A2ML1: variants seen among roughly 807,000 people sequenced by gnomAD.
The protein encoded by A2ML1 is alpha-2-macroglobulin-like protein 1.
Under a neutral mutation model 181.9 loss-of-function variants are expected in A2ML1, and 161 were observed. The observed-to-expected ratio is 0.89, with a 90% CI of 0.78 to 1.01. A2ML1 has a LOEUF of 1.01. Among genes scored for constraint, A2ML1 ranks in the 50% least tolerant of loss-of-function variants. The pLI is 0.00. For synonymous variants in A2ML1, 663 were observed against 666.8 expected (o/e 0.99, Z 0.09); for missense variants, 1,670 against 1,768.1 (o/e 0.94, Z 1.00).
chr12:8,824,175 G>A (rs1175022659), intron 3 of A2ML1, among the ~76,000 whole-genome samples: 1 of 143,848 alleles, frequency 7.0e-6, no homozygotes, highest in African/African-American at 2.6e-5. Flanking sequence ...CAAACTGCTT[G>A]TAAATGGCTA....
At chr12:8,843,383 G>T (rs200865654) in intron 12 of A2ML1, 22 bp downstream of exon 12, 20 of 1,606,970 alleles carry the variant, frequency 1.2e-5, no homozygotes, top group Admixed American at 1.7e-5. Context: ...AAACGGGGAC[G>T]GGTGAGAGTA....
intron 9 of A2ML1, 57 bp from the exon 10 acceptor site, chr12:8,839,056 C>T (rs1242578300): frequency 5.1e-6 from 6 of 1,184,938 alleles, no homozygotes; most frequent in South Asian, 2.8e-5. Context: ...TGACATTAAA[C>T]GTGAAGATGA....
chr12:8,823,768 T>C lies in A2ML1; in HGVS notation c.295T>C (p.Ser99Pro), dbSNP rs1645854225. ...AGAAGAAGTGGCCACAATCCGGGTGTCGGGAGTTGGAAATAACATCAGCTT... is the reference window on the plus strand; with the variant it reads ...AGAAGAAGTGGCCACAATCCGGGTGCCGGGAGTTGGAAATAACATCAGCTT... ...GTEEVATIRVSGVGNNISFEE... is the reference protein window; with the variant it reads ...GTEEVATIRVPGVGNNISFEE... The change falls in exon 3 of 36, where the codon TCG becomes CCG. Residue 99 changes from serine to proline, a missense_variant. Ser to Pro is a moderately conservative substitution (Grantham distance 74, BLOSUM62 -1). Transcript: ENST00000299698. 6.2e-7 allele frequency: 1 copy of C among 1,614,042 alleles called. No individual in the cohort carries two copies.
chr12:8,840,978 A>AAG lies in A2ML1; in HGVS notation c.1081-391_1081-390insAG, dbSNP rs1943451951. ...AGGAAGGAAGGAAAGAAGGAAGGAAAGAAGGAAGGAAGGAAGGAAGGAAGG... is the reference window on the plus strand; with the variant it reads ...AGGAAGGAAGGAAAGAAGGAAGGAAAAGGAAGGAAGGAAGGAAGGAAGGAAGG... On this transcript the variant is annotated intron_variant, in intron 10 of 35. Coordinates refer to ENST00000299698, the MANE Select transcript of A2ML1 (RefSeq NM_144670.6). Among the ~76,000 whole-genome samples the AAG allele has an allele frequency of 1.9e-3, 236 of 125,330 alleles. 3 individuals are homozygous for AAG. Among genetic ancestry groups the AAG allele is most frequent in the African/African-American group, 7.1e-3 (221 of 31,304 alleles). 82.2% of individuals were successfully genotyped at this position (125,330 alleles called of 152,430 possible). A position where few individuals can be genotyped will look rare whatever the true frequency, so the allele number is the denominator to read the frequency against.
In A2ML1 at chr12:8,837,565, A is replaced by G; in HGVS notation, c.854A>G (p.Gln285Arg). 1 of 1,608,092 alleles carries G rather than the reference A, an allele frequency of 6.2e-7. No homozygotes were observed. Among genetic ancestry groups the G allele is most frequent in the Non-Finnish European group, 8.5e-7 (1 of 1,176,048 alleles). Reference sequence around the variant, plus strand: ...GACAAATGCAGGAACCTCTCTGGACAGGTGAGTAAATGACAGGTTAAAAAG... The same window carrying G: ...GACAAATGCAGGAACCTCTCTGGACGGGTGAGTAAATGACAGGTTAAAAAG... ...LPDKCRNLSG[Q>R]TDKTGCFSAP... The change falls in exon 8 of 36, where the codon CAG becomes CGG. Residue 285 changes from glutamine (Q) to arginine (R), a missense_variant and splice_region_variant. Transcript: ENST00000299698.
Position 8,843,136 on chromosome 12 carries a change from A to T in A2ML1, c.1251A>T (p.Gly417=), listed in dbSNP as rs1449298217. The part of the protein sequence containing the change: ...GWNGTDVSLE[G]KFQMEDLVYN... ...CTCTCTCTCTCTTTTATTCTCAGGG[A>T]AAGTTTCAAATGGAAGACTTAGTAT... Residue 417 remains glycine, a splice_region_variant and synonymous_variant, in exon 12 of 36, where the codon GGA becomes GGT. Coordinates refer to ENST00000299698, the MANE Select transcript of A2ML1 (RefSeq NM_144670.6). The T allele has an allele frequency of 6.2e-7, 1 of 1,613,744 alleles. No individual in the cohort carries two copies. The highest frequency in any genetic ancestry group is 1.7e-5 in the Admixed American group (1 of 59,998).
chr12:8,828,808 C>T (rs1322469358), intron 3 of A2ML1, among the ~76,000 whole-genome samples: 1 of 152,212 alleles, frequency 6.6e-6, no homozygotes, highest in Non-Finnish European at 1.5e-5. Flanking sequence ...AGGGGCTAAT[C>T]GGAACTCAGC....
chr12:8,826,697 C>T (rs1330804802), intron 3 of A2ML1, among the ~76,000 whole-genome samples: 1 of 152,194 alleles, frequency 6.6e-6, no homozygotes, highest in Non-Finnish European at 1.5e-5. Context: ...TTGCTCATTG[C>T]AGCCTCTGCC....
At chr12:8,836,403 T>C in intron 7 of A2ML1, 64 bp downstream of exon 7, 1 of 1,221,358 alleles carries the variant, frequency 8.2e-7, no homozygotes, top group East Asian at 2.4e-5. Flanking sequence ...GATGAGGGGA[T>C]GACATGGGAT....
chr12:8,860,281 C>T (rs1041843336), intron 26 of A2ML1, among the ~76,000 whole-genome samples: 1 of 152,098 alleles, frequency 6.6e-6, no homozygotes, highest in Non-Finnish European at 1.5e-5. Flanking sequence ...TGAGCTCAAG[C>T]GATCCTCCCC....
chr12:8,827,597 TG>T (rs1426682391), intron 3 of A2ML1, among the ~76,000 whole-genome samples: 1 of 152,214 alleles, frequency 6.6e-6, no homozygotes, highest in Non-Finnish European at 1.5e-5. Context: ...GGAGATTGGT[TG>T]CTGGTGCCTT....
chr12:8,847,735 G>T, intron 15 of A2ML1, 37 bp downstream of exon 15: 1 of 1,591,128 alleles, frequency 6.3e-7, no homozygotes. Flanking sequence ...GGAGGAGGGA[G>T]TTGATGGAGA....
chr12:8,862,389 AG>A lies in A2ML1; in HGVS notation c.3502+1097del, dbSNP rs770868268. Among the ~76,000 whole-genome samples, 117 of 152,010 alleles carry A rather than the reference AG, an allele frequency of 7.7e-4. 1 individual carries two copies. The East Asian group carries it at 0.017, about 23-fold the overall frequency. The stretch of plus-strand genomic sequence containing the variant: ...GCTAATCTTTGTATTTTTAGTAGAG[AG>A]GGGGTTTCACCATGTTGGCCAGGCT... On this transcript the variant is annotated intron_variant, in intron 28 of 35. Transcript: ENST00000299698.
At chr12:8,845,640 G>T in intron 13 of A2ML1, 138 bp downstream of exon 13, 1 of 755,714 alleles carries the variant, frequency 1.3e-6, no homozygotes, top group South Asian at 1.7e-5. Flanking sequence ...GATGTCGGGA[G>T]ATCGAGACCA....
At chr12:8,823,978 A>G (rs950079006) in intron 3 of A2ML1, 96 bp downstream of exon 3, 1 of 1,425,066 alleles carries the variant, frequency 7.0e-7, no homozygotes, top group African/African-American at 1.4e-5. Context: ...AGGCTTTGGA[A>G]AAAAAGGAGT....
chr12:8,880,208 AC>A (rs901412836), downstream of A2ML1, among the ~76,000 whole-genome samples: 152 of 87,834 alleles, frequency 1.7e-3, 1 homozygote, highest in Middle Eastern at 6.6e-3. Flanking sequence ...TAGTAAAAAT[AC>A]AAAAAAATCA....
chr12:8,842,308 C>A (rs1943509197), intron 11 of A2ML1, among the ~76,000 whole-genome samples: 1 of 151,846 alleles, frequency 6.6e-6, no homozygotes, highest in Non-Finnish European at 1.5e-5. Context: ...AGCTCCGCCT[C>A]CCCGGTTCAC....
downstream of A2ML1, among the ~76,000 whole-genome samples, chr12:8,887,288 G>T (rs190211402): frequency 6.6e-6 from 1 of 152,238 alleles, no homozygotes; most frequent in Admixed American, 6.5e-5. Flanking sequence ...ACATGAAGTA[G>T]CCCCCCTGAA....
At chr12:8,831,494 T>C (rs1943112197) in intron 4 of A2ML1, among the ~76,000 whole-genome samples, 1 of 152,156 alleles carries the variant, frequency 6.6e-6, no homozygotes, top group Admixed American at 6.6e-5. Flanking sequence ...AGCCAAACTC[T>C]CCCTCCAAAT....
Sources: allele counts gnomAD v4.1 joint callset (sites outside exome capture counted in the v4.1 genomes callset), GRCh38; gene constraint gnomAD v4.1.1; transcripts MANE v1.5; gene names NCBI Gene and HGNC (gene_info 2026-07-23, HGNC 2026-07-21).